Variants in PLCG2 observed in about 807,000 individuals in gnomAD.
The protein encoded by PLCG2 is phospholipase C gamma 2.
PLCG2 carries 69 observed loss-of-function variants against 175.6 expected under a neutral mutation model. The observed-to-expected ratio is 0.39, with a 90% CI of 0.32 to 0.48. The LOEUF is 0.48. PLCG2 is among the 20% of genes least tolerant of loss of function. The pLI, the probability that PLCG2 is intolerant of heterozygous loss-of-function variation, is 0.91. For missense variants in PLCG2, 1,798 were observed against 1,650.9 expected (o/e 1.09, Z -1.54); for synonymous variants, 827 against 624.0 (o/e 1.33, Z -4.85).
At chr16:81,793,465 G>A (rs1911329140) in intron 2 of PLCG2, among the ~76,000 whole-genome samples, 1 of 152,192 alleles carries the variant, frequency 6.6e-6, no homozygotes, top group African/African-American at 2.4e-5. Context: ...TGGAATTTTA[G>A]GGTCGGCTGT....
chr16:81,822,420 T>C (rs549213586), intron 2 of PLCG2, among the ~76,000 whole-genome samples: 1 of 152,278 alleles, frequency 6.6e-6, no homozygotes, highest in East Asian at 1.9e-4. Context: ...GAGAGTATTC[T>C]GGGTTACCCA....
At chr16:81,810,764 C>T (rs540678496) in intron 2 of PLCG2, among the ~76,000 whole-genome samples, 18 of 151,924 alleles carry the variant, frequency 1.2e-4, no homozygotes, top group Admixed American at 2.0e-4. Flanking sequence ...GGATCATTTG[C>T]TCAGGGCAAA....
At position 81,785,988 on chromosome 16, in the gene PLCG2, C is replaced by A. The variant is rs761554137; in HGVS notation, c.-2C>A. ...CCTTCCTTCTCCCTGGAGCGGCCGACAATGTCCACCACGGTCAATGTAGAT... is the reference window on the plus strand; with the variant it reads ...CCTTCCTTCTCCCTGGAGCGGCCGAAAATGTCCACCACGGTCAATGTAGAT... On this transcript the variant is annotated 5_prime_UTR_variant, in exon 2 of 33. Coordinates refer to ENST00000564138, the MANE Select transcript of PLCG2 (RefSeq NM_002661.5). The A allele has an allele frequency of 7.4e-6, 12 of 1,612,174 alleles. No individual in the cohort carries two copies. The highest frequency in any genetic ancestry group is 1.0e-5 in the Non-Finnish European group (12 of 1,178,678).
At position 81,934,891 on chromosome 16, in the gene PLCG2, G is replaced by T. The variant is rs573524350; in HGVS notation, c.2842+360G>T. Among the ~76,000 whole-genome samples, 243 of 152,244 alleles carry T rather than the reference G, an allele frequency of 1.6e-3. 1 individual carries two copies. The highest frequency in any genetic ancestry group is 0.014 in the Middle Eastern group (4 of 294). Reference sequence around the variant, plus strand: ...CCCTTATAAAACCATCAGATCTCGCGAGACTTATTCAGTACCACAACAACG... The same window carrying T: ...CCCTTATAAAACCATCAGATCTCGCTAGACTTATTCAGTACCACAACAACG... On this transcript the variant is annotated intron_variant, in intron 26 of 32. Coordinates refer to ENST00000564138, the MANE Select transcript of PLCG2 (RefSeq NM_002661.5).
chr16:81,912,534 G>T (rs910864158), intron 18 of PLCG2, 63 bp from the exon 19 acceptor site: 8 of 1,590,348 alleles, frequency 5.0e-6, no homozygotes, highest in Non-Finnish European at 5.1e-6. Flanking sequence ...TGTCCTCTGC[G>T]GGTGGCCCAC....
At chr16:81,846,830 GT>G (rs1360864184) in intron 2 of PLCG2, among the ~76,000 whole-genome samples, 1 of 151,944 alleles carries the variant, frequency 6.6e-6, no homozygotes, top group African/African-American at 2.4e-5. Context: ...ATCAAGGTGT[GT>G]TTTTTTTCTC....
chr16:81,813,998 CAG>C (rs1314156721), intron 2 of PLCG2, among the ~76,000 whole-genome samples: 2 of 152,158 alleles, frequency 1.3e-5, no homozygotes, highest in Non-Finnish European at 2.9e-5. Context: ...CCATGGTATT[CAG>C]GGGCATCTCT....
At chr16:81,788,430 GC>G (rs1443692551) in intron 2 of PLCG2, among the ~76,000 whole-genome samples, 7 of 152,082 alleles carry the variant, frequency 4.6e-5, no homozygotes, top group Admixed American at 2.0e-4. Context: ...ACAGGCGCCC[GC>G]CACCACGCCC....
At chr16:81,914,746 C>A (rs1260232529) in intron 19 of PLCG2, among the ~76,000 whole-genome samples, 1 of 152,114 alleles carries the variant, frequency 6.6e-6, no homozygotes, top group Non-Finnish European at 1.5e-5. Flanking sequence ...TTGCTTTTGA[C>A]CTGTTCCTGC....
At chr16:81,941,703 C>CTT (rs5818362) in intron 30 of PLCG2, among the ~76,000 whole-genome samples, 1,899 of 146,326 alleles carry the variant, frequency 0.013, 49 homozygotes, top group African/African-American at 0.044. Flanking sequence ...TAAACTCCCC[C>CTT]TTTTTTTTTT....
intron 2 of PLCG2, among the ~76,000 whole-genome samples, chr16:81,796,161 C>T (rs1175646360): frequency 6.6e-6 from 1 of 152,244 alleles, no homozygotes; most frequent in East Asian, 1.9e-4. Flanking sequence ...TGAGGACTTT[C>T]CTGTCTGTAA....
At chr16:81,941,615 C>G (rs1193375550) in intron 30 of PLCG2, among the ~76,000 whole-genome samples, 1 of 149,660 alleles carries the variant, frequency 6.7e-6, no homozygotes, top group African/African-American at 2.5e-5. Context: ...AACATTGCTA[C>G]TCTAGCAATA....
chr16:81,777,113 A>G (rs1315228587), upstream of PLCG2, among the ~76,000 whole-genome samples: 1 of 85,652 alleles, frequency 1.2e-5, no homozygotes, highest in Admixed American at 9.6e-5. Context: ...GCTCACAGGC[A>G]TAGATTAAAC....
intron 2 of PLCG2, among the ~76,000 whole-genome samples, chr16:81,823,065 G>T (rs959933364): frequency 2.6e-5 from 4 of 152,276 alleles, no homozygotes; most frequent in Non-Finnish European, 4.4e-5. Flanking sequence ...AGTAATTGGT[G>T]CAGCAGCCGT....
At chr16:81,788,370 T>G (rs1310049155) in intron 2 of PLCG2, among the ~76,000 whole-genome samples, 1 of 152,136 alleles carries the variant, frequency 6.6e-6, no homozygotes, top group Non-Finnish European at 1.5e-5. Flanking sequence ...AAGCTCCGCC[T>G]CCCGGATTCA....
intron 24 of PLCG2, chr16:81,928,965 A>AT (rs1299110057): frequency 3.7e-6 from 1 of 272,488 alleles, no homozygotes; most frequent in Non-Finnish European, 7.0e-6. Flanking sequence ...CCTGGCTGAA[A>AT]TGCAGCGTGG....
chr16:81,766,291 A>C (rs1910147947), intron 2 of PLCG2, among the ~76,000 whole-genome samples: 1 of 152,138 alleles, frequency 6.6e-6, no homozygotes, highest in South Asian at 2.1e-4. Context: ...CTCCTAGGGG[A>C]AGCCACTCTG....
At chr16:81,851,697 G>C (rs1425681262) in intron 2 of PLCG2, among the ~76,000 whole-genome samples, 1 of 152,224 alleles carries the variant, frequency 6.6e-6, no homozygotes, top group African/African-American at 2.4e-5. Flanking sequence ...ATTCTTACTA[G>C]AGATGGGGTT....
At chr16:81,760,084 C>T (rs562012843) in intron 2 of PLCG2, among the ~76,000 whole-genome samples, 1 of 152,224 alleles carries the variant, frequency 6.6e-6, no homozygotes, top group Admixed American at 6.5e-5. Context: ...CGAGATCGCG[C>T]CACTGCTCAT....
Sources: gnomAD v4.1 joint callset for allele counts (sites outside exome capture counted in the v4.1 genomes callset) on GRCh38, gnomAD v4.1.1 for gene constraint, MANE v1.5 for transcripts, NCBI Gene and HGNC (gene_info 2026-07-23, HGNC 2026-07-21) for gene names.